ZNF577: variants seen among roughly 807,000 people sequenced by gnomAD.
ZNF577 encodes zinc finger protein 577.
In ZNF577, 14 loss-of-function variants were observed where a neutral mutation model predicts 13.9. The ratio of observed to expected loss-of-function variants is 1.00; its 90% confidence interval spans 0.66 to 1.57. The LOEUF (loss-of-function observed/expected upper bound fraction) is 1.57, where lower values mean the gene tolerates loss of function less well. Among genes scored for constraint, ZNF577 ranks in the 40% most tolerant of loss-of-function variants. The pLI, the probability that ZNF577 is intolerant of heterozygous loss-of-function variation, is 0.00. For missense variants in ZNF577, 555 were observed against 579.2 expected (o/e 0.96, Z 0.43); for synonymous variants, 203 against 202.9 (o/e 1.00, Z 0.00).
chr19:51,817,952 T>TTTGTG (rs1568431331), intron 9 of ZNF577: 1 of 152,042 alleles, frequency 6.6e-6, no homozygotes. Flanking sequence ...AAATACAGCT[T>TTTGTG]TTTTGTTTTG....
intron 5 of ZNF577, chr19:51,860,994 T>C (rs2084492493): frequency 4.8e-6 from 2 of 414,818 alleles, no homozygotes; most frequent in Non-Finnish European, 9.4e-6. Context: ...GTGTAACAAA[T>C]ATAATTTGAG....
In ZNF577 at chr19:51,850,112, T is replaced by C. The variant is rs145270157; in HGVS notation, c.284-5181A>G. Among the ~76,000 whole-genome samples the C allele has an allele frequency of 6.9e-3, 1,056 of 152,310 alleles. 7 individuals are homozygous for C. The highest frequency in any genetic ancestry group is 0.024 in the African/African-American group (1,000 of 41,558). ...GATTTTTGGGCGGTGGTGGAACTTA[T>C]GAAGTAAAGCACTAATCTTCTCCAA... On this transcript the variant is annotated intron_variant and NMD_transcript_variant, in intron 5 of 10. Transcript: ENST00000638827.
Position 51,857,618 on chromosome 19 carries a change from G to A in ZNF577, c.284-12687C>T, listed in dbSNP as rs62107502. 4.7e-3 allele frequency among the ~76,000 whole-genome samples: 719 copies of A among 152,158 alleles called. 7 individuals are homozygous for A. Among genetic ancestry groups the A allele is most frequent in the Middle Eastern group, 0.014 (4 of 294 alleles). On this transcript the variant is annotated intron_variant and NMD_transcript_variant, in intron 5 of 10. Transcript: ENST00000638827. ...ACCAATACAGAAAGCAGGAGAAACCGATGTTCTTCAAAGCTCTGTCTTTGA... is the reference window on the plus strand; with the variant it reads ...ACCAATACAGAAAGCAGGAGAAACCAATGTTCTTCAAAGCTCTGTCTTTGA...
chr19:51,814,999 G>A (rs979655472), intron 9 of ZNF577, among the ~76,000 whole-genome samples: 2 of 150,424 alleles, frequency 1.3e-5, no homozygotes, highest in African/African-American at 2.5e-5. Flanking sequence ...TAGTAGAGGC[G>A]GGGTTTCACC....
At chr19:51,804,490 A>G (rs1014960751), downstream of ZNF577, among the ~76,000 whole-genome samples, 9 of 152,206 alleles carry the variant, frequency 5.9e-5, no homozygotes, top group African/African-American at 1.9e-4. Context: ...AAGTTTTACA[A>G]TTTGATTTGA....
chr19:51,868,559 G>C lies in ZNF577; in HGVS notation c.*3973C>G. On this transcript the variant is annotated 3_prime_UTR_variant, in exon 6 of 6. Transcript: ENST00000638348. ...CCCACCAAAGACTGCCCCAGCCAAAGCAGAACTGCCAGATGAGCTCAGAAT... is the reference window on the plus strand; with the variant it reads ...CCCACCAAAGACTGCCCCAGCCAAACCAGAACTGCCAGATGAGCTCAGAAT... Among the ~76,000 whole-genome samples, 1 of 152,096 alleles carries C rather than the reference G, an allele frequency of 6.6e-6. No homozygotes were observed. Among genetic ancestry groups the C allele is most frequent in the East Asian group, 1.9e-4 (1 of 5,192 alleles).
chr19:51,811,629 C>G (rs1354457023), exon 10 of ZNF577: 6 of 152,176 alleles, frequency 3.9e-5, no homozygotes, highest in African/African-American at 1.4e-4. Flanking sequence ...CTGATTCTGT[C>G]GCTGTTCGGG....
chr19:51,859,106 A>G (rs2084470360), intron 5 of ZNF577, among the ~76,000 whole-genome samples: 1 of 152,162 alleles, frequency 6.6e-6, no homozygotes, highest in South Asian at 2.1e-4. Flanking sequence ...TGGAATTTGC[A>G]TTTGGCTTCT....
At chr19:51,823,817 C>T (rs993344600) in intron 9 of ZNF577, 7 of 1,613,706 alleles carry the variant, frequency 4.3e-6, no homozygotes, top group African/African-American at 4.0e-5. Flanking sequence ...CTGGCCACAC[C>T]GTTCTGTGGA....
At chr19:51,876,317 G>A (rs1290505425) in intron 5 of ZNF577, among the ~76,000 whole-genome samples, 20 of 152,124 alleles carry the variant, frequency 1.3e-4, no homozygotes, top group Admixed American at 1.3e-3. Context: ...TGTCCTGGTG[G>A]CTGGCGACAC....
chr19:51,818,872 C>A (rs1006197559), intron 9 of ZNF577, among the ~76,000 whole-genome samples: 1 of 152,126 alleles, frequency 6.6e-6, no homozygotes, highest in African/African-American at 2.4e-5. Context: ...AGAATAACAT[C>A]ATTGTCTTAT....
intron 9 of ZNF577, among the ~76,000 whole-genome samples, chr19:51,835,629 A>G (rs1484090161): frequency 1.3e-5 from 2 of 152,184 alleles, no homozygotes; most frequent in Non-Finnish European, 2.9e-5. Flanking sequence ...ATATTAATAA[A>G]TTTTTTATTT....
At chr19:51,814,604 C>T (rs2122460023) in intron 9 of ZNF577, among the ~76,000 whole-genome samples, 1 of 152,176 alleles carries the variant, frequency 6.6e-6, no homozygotes, top group South Asian at 2.1e-4. Flanking sequence ...AGTGATTCTC[C>T]TGCCGCAGTC....
chr19:51,842,238 C>T (rs1254087907), intron 8 of ZNF577, among the ~76,000 whole-genome samples: 1 of 152,136 alleles, frequency 6.6e-6, no homozygotes, highest in African/African-American at 2.4e-5. Context: ...TCCTATGAGT[C>T]ATACATAGAA....
chr19:51,857,365 G>GGAAGGAAAGAAA lies in ZNF577; in HGVS notation c.284-12435_284-12434insTTTCTTTCCTTC, dbSNP rs1338621079. On this transcript the variant is annotated intron_variant and NMD_transcript_variant, in intron 5 of 10. Transcript: ENST00000638827. ...AAGAAAGAGAGAAAGAAAGAAGGAA[G>GGAAGGAAAGAAA]GAAAGAAAGAAAGAAAGAAAGAAAG... Among the ~76,000 whole-genome samples the GGAAGGAAAGAAA allele has an allele frequency of 2.3e-3, 218 of 93,330 alleles. 2 individuals are homozygous for GGAAGGAAAGAAA. The highest frequency in any genetic ancestry group is 8.1e-3 in the African/African-American group (169 of 20,824). 61.2% of individuals were successfully genotyped at this position (93,330 alleles called of 152,430 possible). A position where few individuals can be genotyped will look rare whatever the true frequency, so the allele number is the denominator to read the frequency against.
At chr19:51,860,144 T>C (rs2084481089) in intron 5 of ZNF577, 1 of 152,168 alleles carries the variant, frequency 6.6e-6, no homozygotes, top group Admixed American at 6.5e-5. Context: ...CCCTGACAAT[T>C]ACTATGACAT....
At chr19:51,834,948 C>G (rs1476379863) in intron 9 of ZNF577, among the ~76,000 whole-genome samples, 1 of 152,154 alleles carries the variant, frequency 6.6e-6, no homozygotes, top group Non-Finnish European at 1.5e-5. Flanking sequence ...GCCTCCCTTA[C>G]AGGGGAATTT....
chr19:51,863,901 T>C (rs961143655), downstream of ZNF577, among the ~76,000 whole-genome samples: 3 of 152,206 alleles, frequency 2.0e-5, no homozygotes, highest in African/African-American at 4.8e-5. Flanking sequence ...ATTATATGTA[T>C]GTTATACCAA....
chr19:51,819,850 C>T (rs915687017), intron 9 of ZNF577, among the ~76,000 whole-genome samples: 4 of 152,030 alleles, frequency 2.6e-5, no homozygotes, highest in Admixed American at 2.6e-4. Context: ...ATAATGGTTA[C>T]TTGGTAACAA....
Sources: gnomAD v4.1 joint callset for allele counts (sites outside exome capture counted in the v4.1 genomes callset) on GRCh38, gnomAD v4.1.1 for gene constraint, MANE v1.5 for transcripts, NCBI Gene and HGNC (gene_info 2026-07-23, HGNC 2026-07-21) for gene names.